The following CCDC85A variants were observed in gnomAD, a reference collection of about 807,000 sequenced individuals.
CCDC85A encodes the protein coiled-coil domain containing 85A.
In CCDC85A, 38 loss-of-function variants were observed where a neutral mutation model predicts 50.2. The observed-to-expected ratio is 0.76, with a 90% CI of 0.58 to 0.99. The LOEUF is 0.99. CCDC85A is among the 50% of genes least tolerant of loss of function. CCDC85A has a pLI of 0.00. For synonymous variants in CCDC85A, 366 were observed against 301.4 expected (o/e 1.21, Z -2.22); for missense variants, 820 against 742.0 (o/e 1.11, Z -1.22).
At chr2:56,334,330 T>A (rs554325697) in intron 2 of CCDC85A, among the ~76,000 whole-genome samples, 1 of 152,314 alleles carries the variant, frequency 6.6e-6, no homozygotes, top group Admixed American at 6.5e-5. Context: ...GGAAGTGTTG[T>A]AATATTAAAG....
intron 2 of CCDC85A, among the ~76,000 whole-genome samples, chr2:56,331,924 C>T (rs1344729191): frequency 6.6e-6 from 1 of 152,148 alleles, no homozygotes; most frequent in African/African-American, 2.4e-5. Context: ...TTGATATGGA[C>T]TGCTGCCCCC....
At chr2:56,329,122 A>G (rs1303476584) in intron 2 of CCDC85A, among the ~76,000 whole-genome samples, 1 of 151,090 alleles carries the variant, frequency 6.6e-6, no homozygotes, top group African/African-American at 2.4e-5. Context: ...CATTTCCTTC[A>G]CTTCACTTTG....
intron 2 of CCDC85A, among the ~76,000 whole-genome samples, chr2:56,327,243 A>G (rs17268758): frequency 0.15 from 22,381 of 152,202 alleles, 2,106 homozygotes; most frequent in Middle Eastern, 0.24. Flanking sequence ...ATTGTAACCC[A>G]GGAATTGTGG....
At chr2:56,362,786 T>C (rs1478098425) in intron 3 of CCDC85A, among the ~76,000 whole-genome samples, 1 of 151,718 alleles carries the variant, frequency 6.6e-6, no homozygotes, top group Non-Finnish European at 1.5e-5. Context: ...ACCCGGCTAA[T>C]TTTTTGTATT....
At chr2:56,304,375 A>C (rs1389268284) in intron 2 of CCDC85A, among the ~76,000 whole-genome samples, 4 of 152,204 alleles carry the variant, frequency 2.6e-5, no homozygotes, top group Non-Finnish European at 5.9e-5. Flanking sequence ...TTTAAATCTG[A>C]GGAATATGAT....
chr2:56,302,955 G>A (rs77569733), intron 2 of CCDC85A, among the ~76,000 whole-genome samples: 1 of 152,120 alleles, frequency 6.6e-6, no homozygotes, highest in African/African-American at 2.4e-5. Flanking sequence ...AAAACCAAGT[G>A]GGGGGAAGTT....
At chr2:56,356,188 T>C (rs1334844517) in intron 3 of CCDC85A, among the ~76,000 whole-genome samples, 2 of 152,264 alleles carry the variant, frequency 1.3e-5, no homozygotes, top group African/African-American at 4.8e-5. Flanking sequence ...TTGGTCGTTA[T>C]GCTTTTGGGT....
At chr2:56,352,874 T>C (rs544400364) in intron 3 of CCDC85A, among the ~76,000 whole-genome samples, 1 of 152,052 alleles carries the variant, frequency 6.6e-6, no homozygotes, top group Non-Finnish European at 1.5e-5. Context: ...ACCCTTAACC[T>C]CTCTAAGCCT....
chr2:56,249,524 C>T (rs541431462), intron 2 of CCDC85A, among the ~76,000 whole-genome samples: 2 of 152,236 alleles, frequency 1.3e-5, no homozygotes, highest in African/African-American at 4.8e-5. Flanking sequence ...TCAGAAGACA[C>T]ACTGTGGAAG....
intron 2 of CCDC85A, among the ~76,000 whole-genome samples, chr2:56,224,484 A>G (rs1320146710): frequency 2.0e-5 from 3 of 152,174 alleles, no homozygotes; most frequent in Admixed American, 1.3e-4. Flanking sequence ...TGGAATGTCA[A>G]CATGTGGCAG....
At chr2:56,374,027 T>C (rs59975052) in intron 4 of CCDC85A, among the ~76,000 whole-genome samples, 1,881 of 152,338 alleles carry the variant, frequency 0.012, 35 homozygotes, top group African/African-American at 0.042. Context: ...GTATTAGGCA[T>C]TATTGTTTCT....
At chr2:56,351,107 G>C (rs1674909752) in intron 3 of CCDC85A, among the ~76,000 whole-genome samples, 1 of 140,294 alleles carries the variant, frequency 7.1e-6, no homozygotes, top group Non-Finnish European at 1.5e-5. Context: ...GCGGTGTTTG[G>C]TTTTTTGTTC....
At chr2:56,383,355 C>A (rs572668164) in intron 5 of CCDC85A, among the ~76,000 whole-genome samples, 1 of 152,018 alleles carries the variant, frequency 6.6e-6, no homozygotes, top group South Asian at 2.1e-4. Flanking sequence ...TAATCCTTAG[C>A]GTGAAATAGT....
At chr2:56,350,657 C>T (rs1674872714) in intron 3 of CCDC85A, among the ~76,000 whole-genome samples, 1 of 151,818 alleles carries the variant, frequency 6.6e-6, no homozygotes, top group Non-Finnish European at 1.5e-5. Flanking sequence ...TTACTTTGAT[C>T]TCCATTTCCT....
intron 2 of CCDC85A, among the ~76,000 whole-genome samples, chr2:56,291,003 T>G (rs1671677101): frequency 6.6e-6 from 1 of 152,250 alleles, no homozygotes; most frequent in African/African-American, 2.4e-5. Context: ...CAGATTCATT[T>G]GACCATGTAA....
chr2:56,310,449 A>G (rs915207480), intron 2 of CCDC85A, among the ~76,000 whole-genome samples: 1 of 152,188 alleles, frequency 6.6e-6, no homozygotes, highest in Non-Finnish European at 1.5e-5. Context: ...TGTGAAAGAC[A>G]TCTCAAAATA....
At chr2:56,344,809 C>T (rs543779194) in intron 3 of CCDC85A, among the ~76,000 whole-genome samples, 3 of 151,744 alleles carry the variant, frequency 2.0e-5, no homozygotes, top group Non-Finnish European at 2.9e-5. Flanking sequence ...ATCTCTCAGG[C>T]GACTGGGAAT....
At chr2:56,268,663 G>A (rs72923464) in intron 2 of CCDC85A, among the ~76,000 whole-genome samples, 6,905 of 149,308 alleles carry the variant, frequency 0.046, 522 homozygotes, top group African/African-American at 0.16. Context: ...AATCAGAAAA[G>A]AAATCACAAG....
chr2:56,375,945 C>G lies in CCDC85A; in HGVS notation c.1572+10C>G, dbSNP rs771198074. ...GGTACATTCTCTTAAGGTAACCAAT[C>G]GTGTGCAACCATTTATCCAGAGCTT... On this transcript the variant is annotated intron_variant, in intron 5 of 5. Coordinates refer to ENST00000407595, the MANE Select transcript of CCDC85A (RefSeq NM_001080433.2). The G allele has an allele frequency of 4.3e-6, 7 of 1,610,390 alleles. No homozygotes were observed. The East Asian group carries it at 8.9e-5, about 21-fold the overall frequency.
Sources: allele counts gnomAD v4.1 joint callset (sites outside exome capture counted in the v4.1 genomes callset), GRCh38; gene constraint gnomAD v4.1.1; transcripts MANE v1.5; gene names NCBI Gene and HGNC (gene_info 2026-07-23, HGNC 2026-07-21).